The following METTL23 variants were observed in gnomAD, a reference collection of about 807,000 sequenced individuals.
The protein encoded by METTL23 is methyltransferase 23, arginine.
In METTL23, 24 loss-of-function variants were observed where a neutral mutation model predicts 21.2. The observed-to-expected ratio is 1.13, with a 90% CI of 0.82 to 1.59. The LOEUF is 1.59. Among genes scored for constraint, METTL23 ranks in the 40% most tolerant of loss-of-function variants. The pLI is 0.00. For synonymous variants in METTL23, 97 were observed against 75.2 expected (o/e 1.29, Z -1.50); for missense variants, 276 against 221.4 (o/e 1.25, Z -1.57).
At chr17:76,728,921 G>A (rs2077081477) in intron 1 of METTL23, among the ~76,000 whole-genome samples, 1 of 149,048 alleles carries the variant, frequency 6.7e-6, no homozygotes, top group Non-Finnish European at 1.5e-5. Flanking sequence ...AGCCTCCGGA[G>A]TAGCTGGGAC....
In METTL23 at chr17:76,733,844, T is replaced by C. The variant is rs2077359344; in HGVS notation, c.*158T>C. The C allele has an allele frequency of 5.7e-6, 3 of 528,918 alleles. No individual in the cohort carries two copies. Among genetic ancestry groups the C allele is most frequent in the South Asian group, 3.8e-5 (1 of 26,150 alleles). The allele number at this position is 528,918 out of a possible 1,614,324, so 32.8% of individuals were successfully genotyped here. A position where few individuals can be genotyped will look rare whatever the true frequency, so the allele number is the denominator to read the frequency against. ...GATGTCACCTAGACAACACTTAAACTCATATGAAACAAAAATTAAAATACG... is the reference window on the plus strand; with the variant it reads ...GATGTCACCTAGACAACACTTAAACCCATATGAAACAAAAATTAAAATACG... On this transcript the variant is annotated 3_prime_UTR_variant, in exon 5 of 5. Coordinates refer to ENST00000341249, the MANE Select transcript of METTL23 (RefSeq NM_001080510.5).
At chr17:76,733,416 A>G in intron 4 of METTL23, 39 bp downstream of exon 4, 1 of 1,606,824 alleles carries the variant, frequency 6.2e-7, no homozygotes, top group Middle Eastern at 1.7e-4. Flanking sequence ...ATGTAACTTA[A>G]GCCTTACTCT....
At chr17:76,731,740 CTTAATA>C (rs1327121117) in intron 2 of METTL23, among the ~76,000 whole-genome samples, 3 of 152,196 alleles carry the variant, frequency 2.0e-5, no homozygotes, top group Non-Finnish European at 2.9e-5. Flanking sequence ...AAACCAGAAG[CTTAATA>C]TTAACATCCC....
upstream of METTL23, chr17:76,726,706 C>T: frequency 3.5e-6 from 2 of 572,160 alleles, no homozygotes; most frequent in Non-Finnish European, 6.0e-6. Context: ...TCGCGGTTTT[C>T]CATTGGCTTT....
chr17:76,728,412 A>ATTTGTTTTTTTTTTTTTT (rs1463836132), intron 1 of METTL23, among the ~76,000 whole-genome samples: 1 of 14,762 alleles, frequency 6.8e-5, no homozygotes, highest in African/African-American at 8.8e-5. Context: ...GGCTTCACGG[A>ATTTGTTTTTTTTTTTTTT]TTTTTTTTTT....
chr17:76,728,641 C>T (rs1288136386), intron 1 of METTL23, among the ~76,000 whole-genome samples: 2 of 151,972 alleles, frequency 1.3e-5, no homozygotes, highest in African/African-American at 4.8e-5. Flanking sequence ...GAACTCCTGA[C>T]CTCAGGTGAT....
chr17:76,730,565 CAGTCTTTA>C (rs1227876533), intron 2 of METTL23, among the ~76,000 whole-genome samples: 9 of 152,240 alleles, frequency 5.9e-5, no homozygotes, highest in African/African-American at 2.2e-4. Flanking sequence ...ACGGCCGTGG[CAGTCTTTA>C]AGGCCATTGT....
Position 76,732,970 on chromosome 17 carries a change from C to CT in METTL23, c.85-6dup, listed in dbSNP as rs2077292106. On this transcript the variant is annotated splice_polypyrimidine_tract_variant and splice_region_variant and intron_variant, in intron 2 of 4. Coordinates refer to ENST00000341249, the MANE Select transcript of METTL23 (RefSeq NM_001080510.5). ...AATTGTGAAATGCCATCTTTCATAACTTATTAGATTGGAGCTGGAGTGAGC... is the reference window on the plus strand; with the variant it reads ...AATTGTGAAATGCCATCTTTCATAACTTTATTAGATTGGAGCTGGAGTGAGC... 1.3e-6 allele frequency: 2 copies of CT among 1,557,204 alleles called. No individual in the cohort carries two copies. Among genetic ancestry groups the CT allele is most frequent in the African/African-American group, 1.4e-5 (1 of 73,602 alleles).
At chr17:76,726,631 TC>T, upstream of METTL23, 3 of 1,018,476 alleles carry the variant, frequency 2.9e-6, no homozygotes, top group Non-Finnish European at 4.1e-6. Context: ...GAAAATTCAC[TC>T]CCCAGCCACC....
chr17:76,726,424 G>T, upstream of METTL23: 1 of 1,604,336 alleles, frequency 6.2e-7, no homozygotes, highest in Non-Finnish European at 8.5e-7. Flanking sequence ...TTGAGCTCCG[G>T]CCGCGCACTC....
At chr17:76,728,111 C>T (rs75543591) in intron 1 of METTL23, among the ~76,000 whole-genome samples, 4,284 of 152,124 alleles carry the variant, frequency 0.028, 203 homozygotes, top group African/African-American at 0.094. Flanking sequence ...TGGCTTGTGC[C>T]TGTAGCCCCA....
At chr17:76,727,762 G>A (rs73996691) in intron 1 of METTL23, among the ~76,000 whole-genome samples, 3,813 of 152,134 alleles carry the variant, frequency 0.025, 163 homozygotes, top group African/African-American at 0.086. Flanking sequence ...ACACTGTCTC[G>A]CTCTGGCGCC....
chr17:76,732,006 T>A (rs1425425137), intron 2 of METTL23, among the ~76,000 whole-genome samples: 1 of 152,230 alleles, frequency 6.6e-6, no homozygotes, highest in Non-Finnish European at 1.5e-5. Context: ...AAAGCCATGT[T>A]GCAGACCTGT....
Position 76,733,634 on chromosome 17 carries a change from G to A in METTL23, c.521G>A (p.Gly174Glu), listed in dbSNP as rs1395171597. 5.0e-6 allele frequency: 8 copies of A among 1,613,808 alleles called. No homozygotes were observed. Among genetic ancestry groups the A allele is most frequent in the Non-Finnish European group, 6.8e-6 (8 of 1,179,848 alleles). Residue 174 changes from glycine (G) to glutamate (E), a missense_variant, in exon 5 of 5, where the codon GGA becomes GAA. Transcript: ENST00000341249. ...KEDIAESTLP[G>E]RHTVEMLVIS... ...GATATAGCAGAATCTACCCTTCCAG[G>A]AAGACATACAGTTGAAATGCTGGTC...
chr17:76,731,129 G>C (rs1013551333), intron 2 of METTL23, among the ~76,000 whole-genome samples: 2 of 149,492 alleles, frequency 1.3e-5, no homozygotes, highest in Non-Finnish European at 1.5e-5. Context: ...GATAAAATTA[G>C]CCAGGCCTGG....
In METTL23 at chr17:76,726,907, T is replaced by C; in HGVS notation, c.-293T>C. 4.4e-6 allele frequency: 2 copies of C among 453,300 alleles called. No individual in the cohort carries two copies. The highest frequency in any genetic ancestry group is 8.9e-6 in the Non-Finnish European group (2 of 224,268). The allele number at this position is 453,300 out of a possible 1,614,324, so 28.1% of individuals were successfully genotyped here. A position where few individuals can be genotyped will look rare whatever the true frequency, so the allele number is the denominator to read the frequency against. On this transcript the variant is annotated 5_prime_UTR_variant, in exon 1 of 5. Coordinates refer to ENST00000341249, the MANE Select transcript of METTL23 (RefSeq NM_001080510.5). Reference sequence around the variant, plus strand: ...GAGTCTCTTTCGCCTTGCTCCGGGCTTTCTTCGCTCGCAGCGCGGCAGGGT... The same window carrying C: ...GAGTCTCTTTCGCCTTGCTCCGGGCCTTCTTCGCTCGCAGCGCGGCAGGGT...
chr17:76,728,882 C>T (rs963681270), intron 1 of METTL23, among the ~76,000 whole-genome samples: 1 of 150,458 alleles, frequency 6.6e-6, no homozygotes, highest in African/African-American at 2.5e-5. Flanking sequence ...CAAGCTCTGC[C>T]TCCCGGGTTC....
chr17:76,733,606 G>C lies in METTL23; in HGVS notation c.493G>C (p.Glu165Gln). The C allele has an allele frequency of 6.2e-7, 1 of 1,613,760 alleles. No individual in the cohort carries two copies. The change falls in exon 5 of 5, where the codon GAA becomes CAA. Residue 165 changes from glutamate (E) to glutamine (Q), a missense_variant. By Grantham distance (29) the Glu-to-Gln change is conservative (BLOSUM62 2). Coordinates refer to ENST00000341249, the MANE Select transcript of METTL23 (RefSeq NM_001080510.5). ...TCTTGAGTCTTTTGATGCAGACAAA[G>C]AAGATATAGCAGAATCTACCCTTCC... ...IPLESFDADKEDIAESTLPGR... is the reference protein window; with the variant it reads ...IPLESFDADKQDIAESTLPGR...
intron 2 of METTL23, chr17:76,732,517 G>A (rs1002493619): frequency 5.9e-5 from 10 of 169,228 alleles, no homozygotes; most frequent in African/African-American, 1.9e-4. Flanking sequence ...AATTAGCTGG[G>A]CTTGGTGGCC....
Sources: allele counts gnomAD v4.1 joint callset (sites outside exome capture counted in the v4.1 genomes callset), GRCh38; gene constraint gnomAD v4.1.1; transcripts MANE v1.5; gene names NCBI Gene and HGNC (gene_info 2026-07-23, HGNC 2026-07-21).